PSMA1: variants seen among roughly 807,000 people sequenced by gnomAD.
The protein encoded by PSMA1 is proteasome 20S subunit alpha 1.
A neutral mutation model predicts 38.4 loss-of-function variants in PSMA1; 3 were observed. The ratio of observed to expected loss-of-function variants is 0.08; its 90% CI spans 0.04 to 0.20. The LOEUF (loss-of-function observed/expected upper bound fraction) is 0.20. PSMA1 is among the 10% of genes least tolerant of loss of function. PSMA1 has a pLI of 1.00. For missense variants in PSMA1, 227 were observed against 325.3 expected (o/e 0.70, Z 2.32); for synonymous variants, 101 against 107.1 (o/e 0.94, Z 0.35).
At chr11:14,616,929 G>A (rs1852780605) in intron 1 of PSMA1, among the ~76,000 whole-genome samples, 1 of 152,104 alleles carries the variant, frequency 6.6e-6, no homozygotes, top group Non-Finnish European at 1.5e-5. Context: ...AACTGATGGT[G>A]GAGAATGTCG....
At chr11:14,517,614 G>T (rs774035608) in intron 4 of PSMA1, 28 bp downstream of exon 4, 9 of 1,447,796 alleles carry the variant, frequency 6.2e-6, no homozygotes, top group East Asian at 2.4e-5. Context: ...AAACAAAAAG[G>T]ATGTTTATTT....
chr11:14,622,720 G>A (rs1272368893), intron 1 of PSMA1, among the ~76,000 whole-genome samples: 1 of 152,198 alleles, frequency 6.6e-6, no homozygotes, highest in Non-Finnish European at 1.5e-5. Context: ...GCTAGATTGA[G>A]TGACATAGAA....
At chr11:14,517,174 C>T (rs745399180) in intron 4 of PSMA1, among the ~76,000 whole-genome samples, 1 of 152,156 alleles carries the variant, frequency 6.6e-6, no homozygotes, top group African/African-American at 2.4e-5. Context: ...TATAGATAAA[C>T]TTGCCTTCAA....
intron 1 of PSMA1, among the ~76,000 whole-genome samples, chr11:14,633,481 G>A (rs1273593167): frequency 6.6e-6 from 1 of 152,022 alleles, no homozygotes; most frequent in Non-Finnish European, 1.5e-5. Context: ...CACTTGAGGA[G>A]GCAGTCTGCC....
At chr11:14,634,364 A>G (rs1182939859) in intron 1 of PSMA1, among the ~76,000 whole-genome samples, 2 of 152,212 alleles carry the variant, frequency 1.3e-5, no homozygotes, top group African/African-American at 4.8e-5. Context: ...TACACGCAAC[A>G]CACAAATGCA....
chr11:14,633,251 T>C (rs1853056682), intron 1 of PSMA1, among the ~76,000 whole-genome samples: 2 of 152,106 alleles, frequency 1.3e-5, no homozygotes, highest in African/African-American at 4.8e-5. Flanking sequence ...TTCTGTTTTT[T>C]CCCCATCTTT....
intron 8 of PSMA1, among the ~76,000 whole-genome samples, chr11:14,508,560 T>TAAAAAAAAAAAAA (rs1851284969): frequency 2.4e-3 from 1 of 410 alleles, no homozygotes; most frequent in South Asian, 0.25. Flanking sequence ...CCACTCCATC[T>TAAAAAAAAAAAAA]CAAAAAAAAA....
intron 8 of PSMA1, among the ~76,000 whole-genome samples, chr11:14,508,560 T>TAAAAAAAAAAAAAA: frequency 2.4e-3 from 1 of 410 alleles, no homozygotes; most frequent in South Asian, 0.25. Flanking sequence ...CCACTCCATC[T>TAAAAAAAAAAAAAA]CAAAAAAAAA....
intron 2 of PSMA1, among the ~76,000 whole-genome samples, chr11:14,596,076 A>G (rs925705168): frequency 4.6e-5 from 7 of 152,106 alleles, no homozygotes; most frequent in East Asian, 1.9e-4. Context: ...TTATTTCTGA[A>G]GCCTCTGTTC....
intron 2 of PSMA1, among the ~76,000 whole-genome samples, chr11:14,543,931 C>T (rs559440683): frequency 1.1e-4 from 17 of 152,274 alleles, no homozygotes; most frequent in South Asian, 4.1e-4. Flanking sequence ...CAAAAGTTTT[C>T]GGCATATTCA....
chr11:14,505,553 T>G (rs1296000147), intron 9 of PSMA1, among the ~76,000 whole-genome samples: 1 of 151,716 alleles, frequency 6.6e-6, no homozygotes, highest in Non-Finnish European at 1.5e-5. Context: ...TTTTCTTTTT[T>G]GTTTGCTTTT....
intron 2 of PSMA1, among the ~76,000 whole-genome samples, chr11:14,557,349 T>C (rs1851951664): frequency 6.6e-6 from 1 of 152,126 alleles, no homozygotes; most frequent in South Asian, 2.1e-4. Context: ...GTGATTCTCC[T>C]GCCTTAGCCT....
chr11:14,619,656 G>T (rs1434883081), intron 1 of PSMA1, among the ~76,000 whole-genome samples: 1 of 152,054 alleles, frequency 6.6e-6, no homozygotes, highest in African/African-American at 2.4e-5. Flanking sequence ...TGAGTGTGTG[G>T]AGACAGTATA....
At chr11:14,609,758 A>T (rs1014691865) in intron 2 of PSMA1, among the ~76,000 whole-genome samples, 1 of 152,096 alleles carries the variant, frequency 6.6e-6, no homozygotes, top group Non-Finnish European at 1.5e-5. Context: ...ATGAGATGAG[A>T]TCAGGGGGAT....
chr11:14,570,307 T>C (rs1852122579), intron 2 of PSMA1, among the ~76,000 whole-genome samples: 3 of 152,128 alleles, frequency 2.0e-5, no homozygotes, highest in African/African-American at 7.2e-5. Flanking sequence ...GCACCTCTTC[T>C]CCTCCAAAGG....
chr11:14,514,309 C>T (rs754561961), intron 5 of PSMA1, 94 bp downstream of exon 5: 11 of 1,430,256 alleles, frequency 7.7e-6, no homozygotes, highest in Non-Finnish European at 1.0e-5. Context: ...CACAATCTTA[C>T]CTATGTCATA....
At chr11:14,629,663 T>C (rs1852972298) in intron 1 of PSMA1, among the ~76,000 whole-genome samples, 1 of 152,210 alleles carries the variant, frequency 6.6e-6, no homozygotes, top group Admixed American at 6.5e-5. Context: ...TCTTTTTTGG[T>C]TCCGTATGAA....
chr11:14,517,992 A>G lies in PSMA1; in HGVS notation c.49-11T>C, dbSNP rs768077368. On this transcript the variant is annotated splice_polypyrimidine_tract_variant and intron_variant, in intron 2 of 9. Coordinates refer to ENST00000396394, the MANE Select transcript of PSMA1 (RefSeq NM_002786.4). ...TTGATGAATCCTGCCCTAAAGAAAAAAAAAACAAAAAACACACATCTTAGA... is the reference window on the plus strand; with the variant it reads ...TTGATGAATCCTGCCCTAAAGAAAAGAAAAACAAAAAACACACATCTTAGA... The G allele has an allele frequency of 6.6e-7, 1 of 1,523,688 alleles. No homozygotes were observed. Among genetic ancestry groups the G allele is most frequent in the East Asian group, 2.3e-5 (1 of 44,276 alleles). The allele number at this position is 1,523,688 out of a possible 1,614,324, so 94.4% of individuals were successfully genotyped here.
At chr11:14,626,759 A>T (rs1430580338) in intron 1 of PSMA1, among the ~76,000 whole-genome samples, 2 of 152,252 alleles carry the variant, frequency 1.3e-5, no homozygotes, top group Non-Finnish European at 2.9e-5. Flanking sequence ...GTGAATTTTT[A>T]TGATAGCGAT....
Sources: allele counts gnomAD v4.1 joint callset (sites outside exome capture counted in the v4.1 genomes callset), GRCh38; gene constraint gnomAD v4.1.1; transcripts MANE v1.5; gene names NCBI Gene and HGNC (gene_info 2026-07-23, HGNC 2026-07-21).